PTGIS: variants seen among roughly 807,000 people sequenced by gnomAD.
PTGIS encodes the protein prostacyclin synthase.
A neutral mutation model predicts 50.3 loss-of-function variants in PTGIS; 45 were observed. That is an observed-to-expected ratio of 0.90 (90% CI 0.70 to 1.15). PTGIS has a LOEUF of 1.15. Among genes scored for constraint, PTGIS ranks in the 50% most tolerant of loss-of-function variants. The pLI, the probability that PTGIS is intolerant of heterozygous loss-of-function variation, is 0.00. For missense variants in PTGIS, 668 were observed against 661.3 expected, an observed-to-expected ratio of 1.01 and a Z score of -0.11; for synonymous variants, 260 against 267.7, an observed-to-expected ratio of 0.97 and a Z score of 0.28.
intron 5 of PTGIS, among the ~76,000 whole-genome samples, chr20:49,538,249 T>C (rs960597571): frequency 1.0e-5 from 1 of 98,540 alleles, no homozygotes; most frequent in African/African-American, 4.2e-5. Flanking sequence ...AGTGAGACCC[T>C]GGTTCAGAAA....
intron 1 of PTGIS, among the ~76,000 whole-genome samples, chr20:49,559,613 G>C (rs1172398493): frequency 6.6e-6 from 1 of 152,168 alleles, no homozygotes; most frequent in Non-Finnish European, 1.5e-5. Flanking sequence ...ACGTTACTCA[G>C]CCACAAAAAG....
At chr20:49,535,434 T>C (rs181627696) in intron 5 of PTGIS, among the ~76,000 whole-genome samples, 10 of 152,236 alleles carry the variant, frequency 6.6e-5, no homozygotes, top group African/African-American at 1.4e-4. Context: ...GAAAGAAAGA[T>C]AGAATATTGA....
intron 5 of PTGIS, among the ~76,000 whole-genome samples, chr20:49,536,980 A>G (rs913284208): frequency 3.9e-5 from 6 of 152,152 alleles, no homozygotes; most frequent in African/African-American, 1.2e-4. Flanking sequence ...GTCCCTCCAG[A>G]GAAAGGAACT....
At position 49,522,331 on chromosome 20, in the gene PTGIS, A is replaced by C. The variant is rs1981671383; in HGVS notation, c.855+1727T>G. Among the ~76,000 whole-genome samples, 3 of 152,026 alleles carry C rather than the reference A, an allele frequency of 2.0e-5. No individual in the cohort carries two copies. The South Asian group carries it at 6.2e-4, about 32-fold the overall frequency. The stretch of plus-strand genomic sequence containing the variant: ...AGGCCTCCCTGACCACCCCAGCTAG[A>C]GCAGACCCGAAAGTCTCTCTATTCA... On this transcript the variant is annotated intron_variant, in intron 6 of 9. Transcript: ENST00000244043.
rs552868434 is a variant in PTGIS at position 49,540,664 on chromosome 20, C to T, written c.522-943G>A. On this transcript the variant is annotated intron_variant, in intron 4 of 9. Transcript: ENST00000244043. This position sits in a 1 kb window ranked among gnomAD's most constrained non-coding sequence, Gnocchi z 4.8. ...ATGTGCTCTCACTGAGGCACACTTA[C>T]GCACACGCACACGCACACACACAGG... Among the ~76,000 whole-genome samples the T allele has an allele frequency of 1.5e-4, 23 of 151,904 alleles. No homozygotes were observed. Among genetic ancestry groups the T allele is most frequent in the Admixed American group, 2.6e-4 (4 of 15,284 alleles).
chr20:49,522,132 G>T (rs1350940630), intron 6 of PTGIS, among the ~76,000 whole-genome samples: 1 of 151,764 alleles, frequency 6.6e-6, no homozygotes, highest in Non-Finnish European at 1.5e-5. Context: ...TCGGTCTCAC[G>T]CCCCCTCCCT....
rs1161985973 is a variant in PTGIS at position 49,567,955 on chromosome 20, C to G, written c.74+88G>C. 7 of 1,271,110 alleles carry G rather than the reference C, an allele frequency of 5.5e-6. No individual in the cohort carries two copies. In the South Asian group the frequency reaches 8.9e-5, roughly 16 times the overall value. The allele number at this position is 1,271,110 out of a possible 1,614,324, so 78.7% of individuals were successfully genotyped here. On this transcript the variant is annotated intron_variant, in intron 1 of 9. Transcript: ENST00000244043. ...TACTGGAGCGGGACTCGGGCCGGGCCGGCCGCGGGCTCCGAGACCCTTGGG... is the reference window on the plus strand; with the variant it reads ...TACTGGAGCGGGACTCGGGCCGGGCGGGCCGCGGGCTCCGAGACCCTTGGG...
chr20:49,525,191 G>C (rs1331357527), intron 5 of PTGIS, among the ~76,000 whole-genome samples: 2 of 152,214 alleles, frequency 1.3e-5, no homozygotes, highest in Non-Finnish European at 2.9e-5. Flanking sequence ...CCAGAAAGGG[G>C]CCATGGCACT....
Position 49,517,536 on chromosome 20 carries a change from C to T in PTGIS, c.856-3141G>A, listed in dbSNP as rs1003494522. Among the ~76,000 whole-genome samples, 6 of 152,282 alleles carry T rather than the reference C, an allele frequency of 3.9e-5. No homozygotes were observed. In the East Asian group the frequency reaches 5.8e-4, roughly 15 times the overall value. The stretch of plus-strand genomic sequence containing the variant: ...ACCCTGGAATTTGAGCTTTCACCCA[C>T]GGAGCCTTGCCTCCGTTTACTCAGG... On this transcript the variant is annotated intron_variant, in intron 6 of 9. Coordinates refer to ENST00000244043, the MANE Select transcript of PTGIS (RefSeq NM_000961.4).
intron 6 of PTGIS, among the ~76,000 whole-genome samples, chr20:49,522,894 T>A (rs939678648): frequency 6.7e-6 from 1 of 148,738 alleles, no homozygotes; most frequent in Non-Finnish European, 1.5e-5. Context: ...CGTGGTGGCA[T>A]GCGCCTGTAG....
At chr20:49,524,362 T>C in intron 5 of PTGIS, 123 bp from the exon 6 acceptor site, 2 of 1,143,910 alleles carry the variant, frequency 1.7e-6, no homozygotes, top group South Asian at 3.0e-5. Flanking sequence ...GGGTGGGGAG[T>C]TCCTGTGGGA....
At chr20:49,533,988 TA>T in intron 5 of PTGIS, among the ~76,000 whole-genome samples, 1 of 150,314 alleles carries the variant, frequency 6.7e-6, no homozygotes, top group South Asian at 2.1e-4. Flanking sequence ...TATATATATA[TA>T]AAATGTATGT....
rs548575768 is a variant in PTGIS, at chr20:49,539,913, A to G, written c.522-192T>C. ...CCTGTCCTCAAGGAGCTGACCTCTC[A>G]GCACAGGGAGACAGACAACAGACGA... On this transcript the variant is annotated intron_variant, in intron 4 of 9. Transcript: ENST00000244043. Among the ~76,000 whole-genome samples the G allele has an allele frequency of 1.3e-5, 2 of 152,364 alleles. 1 individual carries two copies. The highest frequency in any genetic ancestry group is 4.1e-4 in the South Asian group (2 of 4,826).
chr20:49,515,532 A>T (rs959894612), intron 6 of PTGIS, among the ~76,000 whole-genome samples: 13 of 152,238 alleles, frequency 8.5e-5, no homozygotes, highest in Admixed American at 2.6e-4. Flanking sequence ...ATAATGGAAT[A>T]TTAAATCATC....
chr20:49,537,576 G>A (rs929292284), intron 5 of PTGIS, among the ~76,000 whole-genome samples: 2 of 152,084 alleles, frequency 1.3e-5, no homozygotes, highest in Admixed American at 1.3e-4. Flanking sequence ...CCAACATGGC[G>A]AAACACTGTC....
At chr20:49,558,599 T>C (rs1157493304) in intron 1 of PTGIS, among the ~76,000 whole-genome samples, 1 of 152,198 alleles carries the variant, frequency 6.6e-6, no homozygotes, top group Non-Finnish European at 1.5e-5. Flanking sequence ...GTATACACTA[T>C]TATTCGTAAG....
At chr20:49,527,494 A>T (rs1981821480) in intron 5 of PTGIS, among the ~76,000 whole-genome samples, 1 of 152,144 alleles carries the variant, frequency 6.6e-6, no homozygotes, top group Non-Finnish European at 1.5e-5. Context: ...GGAAATTCAG[A>T]GACAGAAAGT....
At chr20:49,548,162 C>T in intron 2 of PTGIS, 143 bp from the exon 3 acceptor site, 1 of 791,466 alleles carries the variant, frequency 1.3e-6, no homozygotes, top group South Asian at 1.5e-5. Context: ...TCACTACCAC[C>T]TACCACCCTG....
rs1037227905 is a variant in PTGIS, at chr20:49,508,946, A to G, written c.1359-882T>C. Among the ~76,000 whole-genome samples the G allele has an allele frequency of 2.0e-5, 3 of 152,164 alleles. No homozygotes were observed. In the South Asian group the frequency reaches 6.2e-4, roughly 32 times the overall value. On this transcript the variant is annotated intron_variant, in intron 9 of 9. Coordinates refer to ENST00000244043, the MANE Select transcript of PTGIS (RefSeq NM_000961.4). The stretch of plus-strand genomic sequence containing the variant: ...GAGAATATCTTATGACTCTTTTCCC[A>G]CCACTATTCCCTACCCCAACCCAGG...
Sources: allele counts gnomAD v4.1 joint callset (sites outside exome capture counted in the v4.1 genomes callset), GRCh38; gene constraint gnomAD v4.1.1; non-coding constraint Gnocchi (gnomAD v3.1); transcripts MANE v1.5; gene names NCBI Gene and HGNC (gene_info 2026-07-23, HGNC 2026-07-21).